PATJ: variants seen among roughly 807,000 people sequenced by gnomAD.
The protein encoded by PATJ is PATJ crumbs cell polarity complex component.
In PATJ, 190 loss-of-function variants were observed where a neutral mutation model predicts 224.9. The ratio of observed to expected loss-of-function variants is 0.84; its 90% confidence interval spans 0.75 to 0.95. The LOEUF (loss-of-function observed/expected upper bound fraction) is 0.95, where lower values mean the gene tolerates loss of function less well. Ranked by LOEUF, PATJ falls within the 40% of genes least tolerant of loss-of-function variation. The probability of loss-of-function intolerance (pLI) is 0.00; values close to 1 mark genes in which losing one functional copy is unlikely to be tolerated. For missense variants in PATJ, 2,121 were observed against 2,270.3 expected (o/e 0.93, Z 1.34); for synonymous variants, 769 against 820.3 (o/e 0.94, Z 1.07).
intron 17 of PATJ, among the ~76,000 whole-genome samples, chr1:61,851,115 G>A (rs527682874): frequency 6.6e-6 from 1 of 152,272 alleles, no homozygotes; most frequent in South Asian, 2.1e-4. Context: ...TTAGTAGGAA[G>A]TAATTTAAAG....
intron 26 of PATJ, among the ~76,000 whole-genome samples, chr1:61,923,890 C>T (rs183126250): frequency 2.0e-3 from 281 of 142,988 alleles, no homozygotes; most frequent in South Asian, 4.0e-3. Context: ...CCATTGCACT[C>T]GAGCCTGGAC....
rs143752923 is a variant in PATJ, at chr1:61,901,305, A to G, written c.3227A>G (p.Asn1076Ser). 39 of 1,537,592 alleles carry G rather than the reference A, an allele frequency of 2.5e-5. No individual in the cohort carries two copies. The highest frequency in any genetic ancestry group is 1.0e-4 in the East Asian group (4 of 40,144). Residue 1076 changes from asparagine to serine, a missense_variant, in exon 24 of 44, where the codon AAT (asparagine) becomes AGT (serine). Transcript: ENST00000642238. Reference protein sequence around the residue: ...PRIVEIFREPNVSLGISIVGG... With the variant: ...PRIVEIFREPSVSLGISIVGG... ...AGTGTTGAGATTTTTAGAGAACCCA[A>G]TGTGTCTCTTGGGATCAGTATTGTT... is the stretch of plus-strand genomic sequence containing the variant.
intron 27 of PATJ, among the ~76,000 whole-genome samples, chr1:61,988,298 G>C (rs1167427191): frequency 6.6e-6 from 1 of 152,210 alleles, no homozygotes; most frequent in African/African-American, 2.4e-5. Context: ...TATTTATTCA[G>C]TGACCAGCAG....
chr1:61,896,375 T>G (rs1042471388), intron 22 of PATJ, among the ~76,000 whole-genome samples: 1 of 152,134 alleles, frequency 6.6e-6, no homozygotes, highest in African/African-American at 2.4e-5. Flanking sequence ...TTTGGCCAGT[T>G]TCTCCCATTT....
chr1:61,937,248 G>GT (rs1370184681), intron 27 of PATJ, among the ~76,000 whole-genome samples: 1 of 151,276 alleles, frequency 6.6e-6, no homozygotes, highest in Non-Finnish European at 1.5e-5. Flanking sequence ...TTCTTTTTTC[G>GT]TTTTGAGACA....
Position 61,947,565 on chromosome 1 carries a change from C to T in PATJ, c.3670+19736C>T, listed in dbSNP as rs200451549. Among the ~76,000 whole-genome samples, 36 of 152,036 alleles carry T rather than the reference C, an allele frequency of 2.4e-4. 1 individual carries two copies. The South Asian group carries it at 3.3e-3, about 14-fold the overall frequency. On this transcript the variant is annotated intron_variant, in intron 27 of 43. Transcript: ENST00000642238. Reference sequence around the variant, plus strand: ...AACCACTGCTCAATAAAATAAAAGACGATACAAACAAATGGAAGAACATTC... The same window carrying T: ...AACCACTGCTCAATAAAATAAAAGATGATACAAACAAATGGAAGAACATTC...
intron 23 of PATJ, among the ~76,000 whole-genome samples, chr1:61,900,209 T>C (rs1486956204): frequency 6.6e-6 from 1 of 152,216 alleles, no homozygotes; most frequent in Non-Finnish European, 1.5e-5. Context: ...GTATTCCGTG[T>C]CCATTATTAA....
intron 17 of PATJ, among the ~76,000 whole-genome samples, chr1:61,845,603 A>G (rs942516051): frequency 6.6e-6 from 1 of 152,058 alleles, no homozygotes; most frequent in African/African-American, 2.4e-5. Flanking sequence ...TGCATTTCCT[A>G]GCAGGACTCC....
At chr1:61,848,995 T>C (rs1662400649) in intron 17 of PATJ, among the ~76,000 whole-genome samples, 1 of 152,198 alleles carries the variant, frequency 6.6e-6, no homozygotes, top group Non-Finnish European at 1.5e-5. Context: ...TTGTGTGTAG[T>C]CCCTTTAAAA....
chr1:61,753,220 T>C (rs1645429345), intron 1 of PATJ, among the ~76,000 whole-genome samples: 1 of 152,174 alleles, frequency 6.6e-6, no homozygotes, highest in South Asian at 2.1e-4. Flanking sequence ...TATAATTATA[T>C]TTACACTTGC....
intron 29 of PATJ, 41 bp downstream of exon 29, chr1:62,017,988 T>G: frequency 9.5e-7 from 1 of 1,053,040 alleles, no homozygotes; most frequent in Non-Finnish European, 1.5e-6. Context: ...CAAAGACCTC[T>G]TCTGAAGATG....
intron 39 of PATJ, among the ~76,000 whole-genome samples, chr1:62,126,616 A>G (rs1348948277): frequency 6.6e-6 from 1 of 152,148 alleles, no homozygotes; most frequent in African/African-American, 2.4e-5. Flanking sequence ...CTTGGGGAAC[A>G]TTTTCAGCCA....
chr1:61,826,762 A>G (rs1658346052), intron 15 of PATJ, among the ~76,000 whole-genome samples: 1 of 152,146 alleles, frequency 6.6e-6, no homozygotes. Flanking sequence ...TTATTTTAGT[A>G]TTTTCTATAT....
rs530234226 is a variant in PATJ at position 61,969,386 on chromosome 1, T to C, written c.3671-20782T>C. The stretch of plus-strand genomic sequence containing the variant: ...GTTTTTTCAAATCCTTGTCTACACT[T>C]ATTATTTGCTGGTTTTTTGGTAGTA... On this transcript the variant is annotated intron_variant, in intron 27 of 43. Coordinates refer to ENST00000642238, the MANE Select transcript of PATJ (RefSeq NM_001350145.3). Among the ~76,000 whole-genome samples, 7 of 152,284 alleles carry C rather than the reference T, an allele frequency of 4.6e-5. No individual in the cohort carries two copies. In the East Asian group the frequency reaches 1.3e-3, roughly 29 times the overall value.
At chr1:62,121,406 G>A in intron 38 of PATJ, 111 bp downstream of exon 38, 1 of 695,548 alleles carries the variant, frequency 1.4e-6, no homozygotes, top group Non-Finnish European at 2.4e-6. Context: ...TTAATTTTTT[G>A]AGCTTGGCCA....
At chr1:61,977,611 G>C (rs7529379) in intron 27 of PATJ, among the ~76,000 whole-genome samples, 1 of 151,760 alleles carries the variant, frequency 6.6e-6, no homozygotes, top group African/African-American at 2.4e-5. Flanking sequence ...GGGGTTGAGT[G>C]GGGGGCTCCA....
At chr1:62,087,263 G>A (rs1190137940) in intron 33 of PATJ, among the ~76,000 whole-genome samples, 1 of 152,004 alleles carries the variant, frequency 6.6e-6, no homozygotes, top group East Asian at 1.9e-4. Flanking sequence ...CTTCTCTAAA[G>A]TTAAGCTGTC....
chr1:61,869,198 C>G (rs1183917311), intron 20 of PATJ, among the ~76,000 whole-genome samples: 1 of 146,702 alleles, frequency 6.8e-6, no homozygotes, highest in African/African-American at 2.6e-5. Context: ...GCTCCGCCTC[C>G]CGGGTTCACG....
At chr1:61,806,618 C>CAA (rs112615750) in intron 13 of PATJ, among the ~76,000 whole-genome samples, 10 of 75,034 alleles carry the variant, frequency 1.3e-4, no homozygotes, top group Admixed American at 1.5e-4. Flanking sequence ...GATTCCGCCT[C>CAA]AAAAAAAAAA....
Sources: gnomAD v4.1 joint callset for allele counts (sites outside exome capture counted in the v4.1 genomes callset) on GRCh38, gnomAD v4.1.1 for gene constraint, MANE v1.5 for transcripts, NCBI Gene and HGNC (gene_info 2026-07-23, HGNC 2026-07-21) for gene names.